Variants in DRC4 observed in about 807,000 individuals in gnomAD.
DRC4 encodes the protein GAS-11.
chr16:90,026,122 A>C, the DRC4 span, among the ~76,000 whole-genome samples: 1 of 150,012 alleles, frequency 6.7e-6, no homozygotes, highest in Non-Finnish European at 1.5e-5. Flanking sequence ...CTTTGTCTTT[A>C]AAAAAGGTTA....
At chr16:90,025,015 CTCTT>C in the DRC4 span, among the ~76,000 whole-genome samples, 2,179 of 148,064 alleles carry the variant, frequency 0.015, 24 homozygotes, top group African/African-American at 0.03. Flanking sequence ...TTTTCTCTCT[CTCTT>C]TTTTTTTTTT....
the DRC4 span, chr16:90,022,803 A>C: frequency 8.0e-7 from 1 of 1,244,248 alleles, no homozygotes; most frequent in Non-Finnish European, 1.0e-6. Context: ...CGGTACACGG[A>C]GACCCTGGGA....
At chr16:90,025,932 T>G in the DRC4 span, among the ~76,000 whole-genome samples, 1 of 151,342 alleles carries the variant, frequency 6.6e-6, no homozygotes, top group Non-Finnish European at 1.5e-5. Context: ...ATAAATAAAA[T>G]TTCCACATGA....
At chr16:90,044,327 CTA>C in the DRC4 span, 28 of 415,536 alleles carry the variant, frequency 6.7e-5, no homozygotes, top group Non-Finnish European at 1.3e-4. Context: ...CTCGTAGAGT[CTA>C]TTGCTGCCTG....
At chr16:90,027,173 T>C in the DRC4 span, among the ~76,000 whole-genome samples, 79,628 of 150,034 alleles carry the variant, frequency 0.53, 21,883 homozygotes, top group East Asian at 0.95. Context: ...GCAAACTCCA[T>C]GCCCCAGGTT....
chr16:90,042,389 C>T, the DRC4 span: 90 of 1,105,084 alleles, frequency 8.1e-5, no homozygotes, highest in Non-Finnish European at 1.1e-4. Flanking sequence ...TCTCTCAGAA[C>T]GCCCACTGGA....
chr16:90,040,619 C>A, the DRC4 span: 2 of 1,100,632 alleles, frequency 1.8e-6, no homozygotes, highest in Non-Finnish European at 2.6e-6. Context: ...CGGTCGGCCA[C>A]TGAGGAGGGG....
chr16:90,037,976 G>A, the DRC4 span: 3 of 819,192 alleles, frequency 3.7e-6, no homozygotes, highest in Non-Finnish European at 6.2e-6. Context: ...AGCCAGGGAC[G>A]GGGCTCTCCT....
chr16:90,031,458 A>C, the DRC4 span: 66 of 1,595,898 alleles, frequency 4.1e-5, no homozygotes, highest in African/African-American at 7.8e-4. Flanking sequence ...AGACCGGGAG[A>C]TGGAAGAAGC....
the DRC4 span, chr16:90,027,981 A>G: frequency 1.6e-4 from 73 of 468,356 alleles, no homozygotes; most frequent in African/African-American, 1.3e-3. Context: ...TCTGATCTAA[A>G]AGCTGTTTTT....
chr16:90,024,123 T>TACACACACAC, the DRC4 span, among the ~76,000 whole-genome samples: 8,194 of 139,274 alleles, frequency 0.059, 341 homozygotes, highest in South Asian at 0.079. Flanking sequence ...TTACTAAAAA[T>TACACACACAC]ACACACACAC....
chr16:90,036,076 A>G, the DRC4 span: 1 of 645,878 alleles, frequency 1.5e-6, no homozygotes. Context: ...CTGGGTGGCC[A>G]CACAGGCCTC....
At chr16:90,029,297 G>A in the DRC4 span, 2 of 1,365,904 alleles carry the variant, frequency 1.5e-6, no homozygotes, top group Admixed American at 1.9e-5. Context: ...GGGGAGGGAT[G>A]GGGGTGACCT....
chr16:90,026,687 C>T, the DRC4 span, among the ~76,000 whole-genome samples: 146 of 151,066 alleles, frequency 9.7e-4, no homozygotes, highest in African/African-American at 3.4e-3. Context: ...GGGTTCCCCC[C>T]TCTCTTAGTT....
chr16:90,040,374 C>T, the DRC4 span: 4 of 1,610,208 alleles, frequency 2.5e-6, no homozygotes, highest in Admixed American at 3.4e-5. Context: ...AGACAGGGTT[C>T]AAGAACCTCG....
the DRC4 span, chr16:90,031,438 T>G: frequency 6.2e-7 from 1 of 1,609,320 alleles, no homozygotes. Context: ...AAGGCTGAGC[T>G]GCGGAACAAA....
At chr16:90,023,670 C>A in the DRC4 span, among the ~76,000 whole-genome samples, 1 of 141,148 alleles carries the variant, frequency 7.1e-6, no homozygotes, top group Non-Finnish European at 1.7e-5. Context: ...GAAGGGTCTT[C>A]TGAAAACCGA....
the DRC4 span, among the ~76,000 whole-genome samples, chr16:90,020,396 GC>G: frequency 6.6e-6 from 1 of 152,278 alleles, no homozygotes; most frequent in Non-Finnish European, 1.5e-5. Flanking sequence ...CTGAGTTGAT[GC>G]CGTGGCCTGA....
At chr16:90,044,435 A>C in the DRC4 span, 2 of 461,176 alleles carry the variant, frequency 4.3e-6, no homozygotes, top group Non-Finnish European at 4.5e-6. Context: ...CCCGGCCAGC[A>C]GGACCTGGCC....
Sources: gnomAD v4.1 joint callset for allele counts (sites outside exome capture counted in the v4.1 genomes callset) on GRCh38, gnomAD v4.1.1 for gene constraint, MANE v1.5 for transcripts, NCBI Gene and HGNC (gene_info 2026-07-23, HGNC 2026-07-21) for gene names.